The following SOX3 variants were observed in gnomAD, a reference collection of about 807,000 sequenced individuals.
SOX3 encodes SRY-box transcription factor 3, also known as transcription factor SOX-3.
In SOX3, 2 loss-of-function variants were observed where a neutral mutation model predicts 4.6. That is an observed-to-expected ratio of 0.43 (90% CI 0.18 to 1.36). The LOEUF is 1.36. Among genes scored for constraint, SOX3 ranks in the 40% most tolerant of loss-of-function variants. SOX3 has a pLI of 0.28. For missense variants in SOX3, 326 were observed against 441.9 expected, an observed-to-expected ratio of 0.74 and a Z score of 2.35; for synonymous variants, 244 against 215.9, an observed-to-expected ratio of 1.13 and a Z score of -1.14.
Position 140,504,521 on chromosome X carries a change from C to T in SOX3, c.540G>A (p.Leu180=). 1 of 1,212,292 alleles carries T rather than the reference C, an allele frequency of 8.2e-7. No individual in the cohort carries two copies. The highest frequency in any genetic ancestry group is 1.7e-5 in the African/African-American group (1 of 57,986). ...SKRLGADWKL[L]TDAEKRPFID... ...TGAATGGTCGCTTCTCGGCGTCGGT[C>T]AGCAGTTTCCAGTCGGCGCCCAAGC... Residue 180 remains leucine, a synonymous_variant, in exon 1 of 1, where the codon CTG becomes CTA. Coordinates refer to ENST00000370536, the MANE Select transcript of SOX3 (RefSeq NM_005634.3).
rs1274230325 is a variant in SOX3 at position 140,505,054 on chromosome X, G to A, written c.7C>T (p.Pro3Ser). The A allele has an allele frequency of 5.8e-6, 7 of 1,205,184 alleles. No homozygotes were observed. Among genetic ancestry groups the A allele is most frequent in the Non-Finnish European group, 7.8e-6 (7 of 892,552 alleles). The change falls in exon 1 of 1, where the codon CCT becomes TCT. Residue 3 changes from proline to serine, a missense_variant. By Grantham distance (74) the Pro-to-Ser change is moderately conservative. This residue lies in a region of SOX3 where 56 missense variants were observed against 43.3 expected (regional missense o/e 1.29). Coordinates refer to ENST00000370536, the MANE Select transcript of SOX3 (RefSeq NM_005634.3). The stretch of plus-strand genomic sequence containing the variant: ...GCACCTGATGAGTTCTCTCGAACAG[G>A]TCGCATTCACAGTCTGCCTGGGCTC... MR[P>S]VRENSSGARS...
At position 140,504,047 on chromosome X, in the gene SOX3, G is replaced by C; in HGVS notation, c.1014C>G (p.Pro338=). Residue 338 remains proline (P), a synonymous_variant, in exon 1 of 1, where the codon CCC becomes CCG. Transcript: ENST00000370536. The stretch of plus-strand genomic sequence containing the variant: ...CGGCGGCCGCGGCTGCTGTGGCTGA[G>C]GGCGCCATGCCCCCGTAGCCCGAGG... ...AAASGYGGMA[P]SATAAAAAAY... 1 of 971,230 alleles carries C rather than the reference G, an allele frequency of 1.0e-6. No homozygotes were observed. The highest frequency in any genetic ancestry group is 1.3e-6 in the Non-Finnish European group (1 of 777,345). The allele number at this position is 971,230 out of a possible 1,213,427, so 80.0% of individuals were successfully genotyped here. A position where few individuals can be genotyped will look rare whatever the true frequency, so the allele number is the denominator to read the frequency against.
chrX:140,503,693 C>T lies in SOX3; in HGVS notation c.*27G>A, dbSNP rs1457697531. The T allele has an allele frequency of 8.7e-7, 1 of 1,152,549 alleles. No homozygotes were observed. Among genetic ancestry groups the T allele is most frequent in the East Asian group, 3.1e-5 (1 of 31,758 alleles). The allele number at this position is 1,152,549 out of a possible 1,213,427, so 95.0% of individuals were successfully genotyped here. A position where few individuals can be genotyped will look rare whatever the true frequency, so the allele number is the denominator to read the frequency against. On this transcript the variant is annotated 3_prime_UTR_variant, in exon 1 of 1. Transcript: ENST00000370536. ...CGGGAGTGGGGGTGGGGGTGGGGAA[C>T]AAGGGTGGACGAGCGCAGGCCGGTG...
Position 140,503,583 on chromosome X carries a change from C to G in SOX3, c.*137G>C. On this transcript the variant is annotated 3_prime_UTR_variant, in exon 1 of 1. Coordinates refer to ENST00000370536, the MANE Select transcript of SOX3 (RefSeq NM_005634.3). The stretch of plus-strand genomic sequence containing the variant: ...ACAAAACCCGACAGCTACAGCAAAA[C>G]TTTCAGCCCTCCCCATCATCGGTAC... The G allele has an allele frequency of 2.9e-6, 2 of 684,153 alleles. No individual in the cohort carries two copies. The highest frequency in any genetic ancestry group is 4.1e-6 in the Non-Finnish European group (2 of 487,207). 56.4% of individuals were successfully genotyped at this position (684,153 alleles called of 1,213,427 possible).
rs1304614573 is a variant in SOX3 at position 140,504,089 on chromosome X, A to T, written c.972T>A (p.Ala324=). The change falls in exon 1 of 1, where the codon GCT becomes GCA. Residue 324 remains alanine (A), a synonymous_variant. Coordinates refer to ENST00000370536, the MANE Select transcript of SOX3 (RefSeq NM_005634.3). ...AGCCCGAGGCGGCGGCGGCCGCGGC[A>T]GCGACGTTCATGTAGCTCTGAGCGC... ...PPGAQSYMNV[A]AAAAAASGYG... is the part of the protein sequence containing the mutation. The T allele has an allele frequency of 3.9e-5, 39 of 1,002,018 alleles. No individual in the cohort carries two copies. Among genetic ancestry groups the T allele is most frequent in the Non-Finnish European group, 4.8e-5 (38 of 793,468 alleles). The allele number at this position is 1,002,018 out of a possible 1,213,427, so 82.6% of individuals were successfully genotyped here. A position where few individuals can be genotyped will look rare whatever the true frequency, so the allele number is the denominator to read the frequency against.
chrX:140,503,423 G>A lies in SOX3; in HGVS notation c.*297C>T, dbSNP rs888353157. 1 of 275,884 alleles carries A rather than the reference G, an allele frequency of 3.6e-6. No homozygotes were observed. The highest frequency in any genetic ancestry group is 2.7e-5 in the African/African-American group (1 of 36,555). The allele number at this position is 275,884 out of a possible 1,213,427, so 22.7% of individuals were successfully genotyped here. A position where few individuals can be genotyped will look rare whatever the true frequency, so the allele number is the denominator to read the frequency against. The stretch of plus-strand genomic sequence containing the variant: ...AGAATAACCCTGGAACTCAGGAGGA[G>A]GAGTGGGGGCTGTTTTTTCTTTGCA... On this transcript the variant is annotated 3_prime_UTR_variant, in exon 1 of 1. Transcript: ENST00000370536.
In SOX3 at chrX:140,504,431, C is replaced by G. The variant is rs777404265; in HGVS notation, c.630G>C (p.Pro210=). The G allele has an allele frequency of 8.3e-7, 1 of 1,211,576 alleles. No individual in the cohort carries two copies. The highest frequency in any genetic ancestry group is 1.8e-5 in the South Asian group (1 of 56,946). Residue 210 remains proline (P), a synonymous_variant, in exon 1 of 1, where the codon CCG becomes CCC. Transcript: ENST00000370536. ...TGAGCAGCGTCTTGGTCTTGCGGCG[C>G]GGTCGGTACTTGTAGTCCGGATACT... The part of the protein sequence containing the change: ...MKEYPDYKYR[P]RRKTKTLLKK...
chrX:140,504,202 T>A lies in SOX3; in HGVS notation c.859A>T (p.Met287Leu), dbSNP rs1188700223. 2 of 1,094,617 alleles carry A rather than the reference T, an allele frequency of 1.8e-6. No homozygotes were observed. The highest frequency in any genetic ancestry group is 1.2e-6 in the Non-Finnish European group (1 of 842,605). 90.2% of individuals were successfully genotyped at this position (1,094,617 alleles called of 1,213,427 possible). Residue 287 changes from methionine to leucine, a missense_variant, in exon 1 of 1, where the codon ATG becomes TTG. Physicochemically the swap from Met to Leu is conservative, Grantham distance 15 (BLOSUM62 2). Coordinates refer to ENST00000370536, the MANE Select transcript of SOX3 (RefSeq NM_005634.3). ...EQLGYAQPPS[M>L]SSPPPPPALP... The stretch of plus-strand genomic sequence containing the variant: ...GCGGGCGGCGGCGGCGGGCTGCTCA[T>A]GCTCGGGGGCTGCGCGTAGCCCAGC...
At position 140,504,272 on chromosome X, in the gene SOX3, G is replaced by C. The variant is rs1408757629; in HGVS notation, c.789C>G (p.His263Gln). 2 of 1,105,024 alleles carry C rather than the reference G, an allele frequency of 1.8e-6. No homozygotes were observed. Among genetic ancestry groups the C allele is most frequent in the Non-Finnish European group, 2.4e-6 (2 of 845,232 alleles). 91.1% of individuals were successfully genotyped at this position (1,105,024 alleles called of 1,213,427 possible). A position where few individuals can be genotyped will look rare whatever the true frequency, so the allele number is the denominator to read the frequency against. Residue 263 changes from histidine (H) to glutamine (Q), a missense_variant, in exon 1 of 1, where the codon CAC (histidine) becomes CAG (glutamine). His to Gln is a conservative substitution (Grantham distance 24). This residue lies in a region of SOX3 where 58 missense variants were observed against 93.0 expected (regional missense o/e 0.62). Coordinates refer to ENST00000370536, the MANE Select transcript of SOX3 (RefSeq NM_005634.3). The stretch of plus-strand genomic sequence containing the variant: ...ACGCGCCGTTGGCCCAGCCGTTCAC[G>C]TGCGTGTACGTGTCCAGGCGCTGGC... ...GVGQRLDTYT[H>Q]VNGWANGAYS... is the part of the protein sequence containing the mutation.
rs200361128 is a variant in SOX3 at position 140,504,904 on chromosome X, C to G, written c.157G>C (p.Val53Leu). 3,215 of 1,182,238 alleles carry G rather than the reference C, an allele frequency of 2.7e-3. 12 individuals are homozygous for G. The highest frequency in any genetic ancestry group is 0.022 in the Admixed American group (915 of 41,942). The change falls in exon 1 of 1, where the codon GTG (valine) becomes CTG (leucine). Residue 53 changes from valine to leucine, a missense_variant. Val to Leu is a conservative substitution (Grantham distance 32, BLOSUM62 1). This residue lies in a region of SOX3 where 64 missense variants were observed against 83.8 expected (regional missense o/e 0.76). Coordinates refer to ENST00000370536, the MANE Select transcript of SOX3 (RefSeq NM_005634.3). ...GGCGCTCCCGGGGCTGGAGCGGCCACGGTGAAAAGGCCCTGGGACTCCGTC... is the reference window on the plus strand; with the variant it reads ...GGCGCTCCCGGGGCTGGAGCGGCCAGGGTGAAAAGGCCCTGGGACTCCGTC... ...APTESQGLFT[V>L]AAPAPGAPSP...
Position 140,503,788 on chromosome X carries a change from C to CCTGGTAGTGCTG in SOX3, c.1272_1273insCAGCACTACCAG (p.His424_Gly425insGlnHisTyrGln). ...GCGCCCTGGTAGTGCTGGTGCACGC[C>CCTGGTAGTGCTG]GTGCAGGCGACCGCCGGGCAGCGGA... On this transcript the variant is annotated inframe_insertion, in exon 1 of 1. Coordinates refer to ENST00000370536, the MANE Select transcript of SOX3 (RefSeq NM_005634.3). The CCTGGTAGTGCTG allele has an allele frequency of 8.5e-7, 1 of 1,171,456 alleles. No individual in the cohort carries two copies. The highest frequency in any genetic ancestry group is 1.1e-6 in the Non-Finnish European group (1 of 880,770).
In SOX3 at chrX:140,504,863, C is replaced by T. The variant is rs1038380785; in HGVS notation, c.198G>A (p.Thr66=). ...PAPGAPSPPA[T]LAHLLPAPAM... is the part of the protein sequence containing the mutation. ...CCGGGGCGGGAAGAAGGTGCGCCAG[C>T]GTGGCGGGAGGAGAAGGCGCTCCCG... is the stretch of plus-strand genomic sequence containing the variant. Residue 66 remains threonine, a synonymous_variant, in exon 1 of 1, where the codon ACG becomes ACA. Transcript: ENST00000370536. 4 of 1,170,119 alleles carry T rather than the reference C, an allele frequency of 3.4e-6. No individual in the cohort carries two copies. Among genetic ancestry groups the T allele is most frequent in the African/African-American group, 1.8e-5 (1 of 56,179 alleles).
Position 140,503,728 on chromosome X carries a change from G to T in SOX3, c.1333C>A (p.His445Asn). Residue 445 changes from histidine to asparagine, a missense_variant, in exon 1 of 1, where the codon CAC becomes AAC. By Grantham distance (68) the His-to-Asn change is moderately conservative. Around this residue, in one of 6 missense-constraint regions of SOX3, gnomAD observed 64 missense variants for 104.5 expected, o/e 0.61. Coordinates refer to ENST00000370536, the MANE Select transcript of SOX3 (RefSeq NM_005634.3). ...TAVNGTVPLT[H>N]I ...CGAGCGCAGGCCGGTGCTCAGATGT[G>T]GGTCAGCGGCACCGTTCCGTTGACT... The T allele has an allele frequency of 8.5e-7, 1 of 1,175,928 alleles. No homozygotes were observed. The highest frequency in any genetic ancestry group is 3.0e-5 in the East Asian group (1 of 32,906).
Position 140,503,974 on chromosome X carries a change from C to T in SOX3, c.1087G>A (p.Ala363Thr). 2 of 1,050,848 alleles carry T rather than the reference C, an allele frequency of 1.9e-6. No individual in the cohort carries two copies. The highest frequency in any genetic ancestry group is 2.4e-6 in the Non-Finnish European group (2 of 822,235). 86.6% of individuals were successfully genotyped at this position (1,050,848 alleles called of 1,213,427 possible). A position where few individuals can be genotyped will look rare whatever the true frequency, so the allele number is the denominator to read the frequency against. ...CCCATGGGGCCCAGGCTCATGGCGG[C>T]TGCGGCCGCAGCTGCGGCCGCGGCG... is the stretch of plus-strand genomic sequence containing the variant. ...ATAAAAAAAAAAMSLGPMGSV... is the reference protein window; with the variant it reads ...ATAAAAAAAATAMSLGPMGSV... The change falls in exon 1 of 1, where the codon GCC (alanine) becomes ACC (threonine). Residue 363 changes from alanine (A) to threonine (T), a missense_variant. Ala to Thr is a moderately conservative substitution (Grantham distance 58, BLOSUM62 0). This residue lies in a region of SOX3 where 64 missense variants were observed against 104.5 expected (regional missense o/e 0.61). Transcript: ENST00000370536.
chrX:140,504,355 C>A lies in SOX3; in HGVS notation c.706G>T (p.Ala236Ser). The A allele has an allele frequency of 8.8e-7, 1 of 1,137,353 alleles. No individual in the cohort carries two copies. Among genetic ancestry groups the A allele is most frequent in the Non-Finnish European group, 1.2e-6 (1 of 862,497 alleles). The allele number at this position is 1,137,353 out of a possible 1,213,427, so 93.7% of individuals were successfully genotyped here. ...GCGGCCGCGGCAGCGGCGGCGGCGG[C>A]CGCGGCACCGGGAGGCAGGAGGCCG... ...PSGLLPPGAA[A>S]AAAAAAAAAA... The change falls in exon 1 of 1, where the codon GCC becomes TCC. Residue 236 changes from alanine (A) to serine (S), a missense_variant. Physicochemically the swap from Ala to Ser is moderately conservative, Grantham distance 99. This residue lies in a region of SOX3 where 58 missense variants were observed against 93.0 expected (regional missense o/e 0.62). Coordinates refer to ENST00000370536, the MANE Select transcript of SOX3 (RefSeq NM_005634.3).
At position 140,503,987 on chromosome X, in the gene SOX3, TGCGGCC is replaced by T; in HGVS notation, c.1068_1073del (p.Ala363_Ala364del). 2 of 1,010,954 alleles carry T rather than the reference TGCGGCC, an allele frequency of 2.0e-6. No individual in the cohort carries two copies. The highest frequency in any genetic ancestry group is 2.5e-6 in the Non-Finnish European group (2 of 799,432). 83.3% of individuals were successfully genotyped at this position (1,010,954 alleles called of 1,213,427 possible). A position where few individuals can be genotyped will look rare whatever the true frequency, so the allele number is the denominator to read the frequency against. On this transcript the variant is annotated inframe_deletion, in exon 1 of 1. Coordinates refer to ENST00000370536, the MANE Select transcript of SOX3 (RefSeq NM_005634.3). ...GGCTCATGGCGGCTGCGGCCGCAGC[TGCGGCC>T]GCGGCGGTGGCGGGCTGCTGCCCGT...
rs769891994 is a variant in SOX3, at chrX:140,504,757, C to T, written c.304G>A (p.Ala102Thr). 2.4e-5 allele frequency: 28 copies of T among 1,171,558 alleles called. No individual in the cohort carries two copies. Among genetic ancestry groups the T allele is most frequent in the Non-Finnish European group, 2.7e-5 (24 of 877,842 alleles). The change falls in exon 1 of 1, where the codon GCC becomes ACC. Residue 102 changes from alanine (A) to threonine (T), a missense_variant. Ala to Thr is a moderately conservative substitution (Grantham distance 58, BLOSUM62 0). This residue lies in a region of SOX3 where 64 missense variants were observed against 83.8 expected (regional missense o/e 0.76). Coordinates refer to ENST00000370536, the MANE Select transcript of SOX3 (RefSeq NM_005634.3). ...CTACTCTTGCCTGCGCCTCCCGGGG[C>T]TGCGGGGCCGCCGGTGCCCGCCGCT... Reference protein sequence around the residue: ...TQAAGTGGPAAPGGAGKSSAN... With the variant: ...TQAAGTGGPATPGGAGKSSAN...
In SOX3 at chrX:140,504,210, G is replaced by T. The variant is rs1016737850; in HGVS notation, c.851C>A (p.Pro284His). The change falls in exon 1 of 1, where the codon CCC (proline) becomes CAC (histidine). Residue 284 changes from proline (P) to histidine (H), a missense_variant. Coordinates refer to ENST00000370536, the MANE Select transcript of SOX3 (RefSeq NM_005634.3). ...CGGCGGCGGGCTGCTCATGCTCGGG[G>T]GCTGCGCGTAGCCCAGCTGCTCCTG... ...LVQEQLGYAQ[P>H]PSMSSPPPPP... The T allele has an allele frequency of 3.6e-6, 4 of 1,101,071 alleles. No individual in the cohort carries two copies. In the African/African-American group the frequency reaches 7.6e-5, roughly 21 times the overall value. 90.7% of individuals were successfully genotyped at this position (1,101,071 alleles called of 1,213,427 possible). A position where few individuals can be genotyped will look rare whatever the true frequency, so the allele number is the denominator to read the frequency against.
At position 140,504,411 on chromosome X, in the gene SOX3, A is replaced by T. The variant is rs1321924310; in HGVS notation, c.650T>A (p.Leu217Gln). The T allele has an allele frequency of 8.3e-7, 1 of 1,211,281 alleles. No homozygotes were observed. Among genetic ancestry groups the T allele is most frequent in the Non-Finnish European group, 1.1e-6 (1 of 895,357 alleles). The change falls in exon 1 of 1, where the codon CTG becomes CAG. Residue 217 changes from leucine to glutamine, a missense_variant. Around this residue, in one of 6 missense-constraint regions of SOX3, gnomAD observed 58 missense variants for 93.0 expected, o/e 0.62. Transcript: ENST00000370536. ...CAGGGAGTACTTATCTTTCTTGAGC[A>T]GCGTCTTGGTCTTGCGGCGCGGTCG... ...KYRPRRKTKT[L>Q]LKKDKYSLPS...
Sources: allele counts gnomAD v4.1 joint callset, GRCh38; gene constraint gnomAD v4.1.1; regional missense constraint gnomAD v4.1.1; transcripts MANE v1.5; gene names NCBI Gene and HGNC (gene_info 2026-07-23, HGNC 2026-07-21).